RPS6KC1: variants seen among roughly 807,000 people sequenced by gnomAD.
RPS6KC1 encodes the protein inactive ribosomal protein S6 kinase delta-1.
A neutral mutation model predicts 103.8 loss-of-function variants in RPS6KC1; 54 were observed. The ratio of observed to expected loss-of-function variants is 0.52; its 90% CI spans 0.42 to 0.65. RPS6KC1 has a LOEUF of 0.65. Ranked by LOEUF, RPS6KC1 falls within the 30% of genes least tolerant of loss-of-function variation. The pLI is 0.00. For synonymous variants in RPS6KC1, 439 were observed against 438.7 expected (o/e 1.00, Z -0.01); for missense variants, 1,151 against 1,253.8 (o/e 0.92, Z 1.24).
At chr1:213,657,259 T>C in the RPS6KC1 span, among the ~76,000 whole-genome samples, 3 of 151,472 alleles carry the variant, frequency 2.0e-5, no homozygotes, top group Non-Finnish European at 4.4e-5. Context: ...CCAGGGAGTG[T>C]AAAAAAAGAT....
At position 213,072,077 on chromosome 1, in the gene RPS6KC1, C is replaced by T. The variant is rs184371606; in HGVS notation, c.141+1036C>T. 6.4e-3 allele frequency among the ~76,000 whole-genome samples: 966 copies of T among 151,370 alleles called. 4 individuals are homozygous for T. The highest frequency in any genetic ancestry group is 0.014 in the Middle Eastern group (4 of 288). ...GAAGGACATATATCAGGATTTTTTC[C>T]GCCTCCCTAATGTGTTTAAAACAGA... is the stretch of plus-strand genomic sequence containing the variant. On this transcript the variant is annotated intron_variant, in intron 2 of 14. Coordinates refer to ENST00000366960, the MANE Select transcript of RPS6KC1 (RefSeq NM_012424.6).
chr1:213,314,381 C>T, the RPS6KC1 span, among the ~76,000 whole-genome samples: 1 of 152,180 alleles, frequency 6.6e-6, no homozygotes, highest in Non-Finnish European at 1.5e-5. Context: ...ATCCACCCTA[C>T]CAGTAAATTG....
At chr1:213,715,292 A>G in the RPS6KC1 span, among the ~76,000 whole-genome samples, 1 of 152,250 alleles carries the variant, frequency 6.6e-6, no homozygotes, top group African/African-American at 2.4e-5. Context: ...AATCAGAGGC[A>G]GATCTGAGCT....
intron 5 of RPS6KC1, among the ~76,000 whole-genome samples, chr1:213,123,493 A>G (rs944579826): frequency 3.9e-5 from 6 of 152,182 alleles, no homozygotes; most frequent in Non-Finnish European, 8.8e-5. Flanking sequence ...TGACCCAAGA[A>G]CGTTATAAAA....
At chr1:213,838,255 A>G in the RPS6KC1 span, among the ~76,000 whole-genome samples, 2 of 152,140 alleles carry the variant, frequency 1.3e-5, no homozygotes, top group Non-Finnish European at 2.9e-5. Flanking sequence ...TATTTTTTTG[A>G]AGTGAAAATA....
At chr1:213,332,851 T>C in the RPS6KC1 span, among the ~76,000 whole-genome samples, 1 of 152,158 alleles carries the variant, frequency 6.6e-6, no homozygotes, top group Non-Finnish European at 1.5e-5. Flanking sequence ...TTGACAAAAA[T>C]GATACAAGCC....
the RPS6KC1 span, among the ~76,000 whole-genome samples, chr1:213,723,187 A>T: frequency 2.6e-5 from 4 of 152,208 alleles, no homozygotes; most frequent in African/African-American, 9.6e-5. Flanking sequence ...TCTGAAAGAA[A>T]AAAGGGAGTA....
chr1:213,168,965 G>A (rs1166643071), intron 7 of RPS6KC1, among the ~76,000 whole-genome samples: 6 of 152,058 alleles, frequency 3.9e-5, no homozygotes, highest in African/African-American at 1.4e-4. Context: ...TAGAAGATTG[G>A]ACAAGATACT....
the RPS6KC1 span, among the ~76,000 whole-genome samples, chr1:213,533,687 G>C: frequency 6.6e-6 from 1 of 152,128 alleles, no homozygotes; most frequent in Non-Finnish European, 1.5e-5. Flanking sequence ...TCCCTGAAAC[G>C]TTCTCTCCAC....
intron 8 of RPS6KC1, among the ~76,000 whole-genome samples, chr1:213,206,043 A>C (rs2093340818): frequency 6.6e-6 from 1 of 152,178 alleles, no homozygotes; most frequent in Non-Finnish European, 1.5e-5. Flanking sequence ...CAACTTGTAT[A>C]TACAGTGCAT....
chr1:213,308,100 T>C, the RPS6KC1 span, among the ~76,000 whole-genome samples: 2 of 151,852 alleles, frequency 1.3e-5, no homozygotes, highest in African/African-American at 4.8e-5. Flanking sequence ...TCATTTGAGG[T>C]CAGGAGTTCA....
intron 14 of RPS6KC1, among the ~76,000 whole-genome samples, chr1:213,266,515 A>G (rs1393372032): frequency 6.6e-6 from 1 of 152,174 alleles, no homozygotes; most frequent in African/African-American, 2.4e-5. Context: ...TCCCCCAAAA[A>G]GTATGAAGTT....
chr1:213,444,331 G>A, the RPS6KC1 span, among the ~76,000 whole-genome samples: 535 of 152,178 alleles, frequency 3.5e-3, 3 homozygotes, highest in African/African-American at 0.012. Flanking sequence ...GGCAGGTGGG[G>A]GGCGGGCACA....
the RPS6KC1 span, among the ~76,000 whole-genome samples, chr1:213,446,049 C>T: frequency 6.6e-6 from 1 of 152,170 alleles, no homozygotes; most frequent in Non-Finnish European, 1.5e-5. Context: ...TCTCCCAGAC[C>T]ATGCTGCCTC....
At chr1:213,720,195 A>G in the RPS6KC1 span, among the ~76,000 whole-genome samples, 1 of 152,230 alleles carries the variant, frequency 6.6e-6, no homozygotes, top group Non-Finnish European at 1.5e-5. Flanking sequence ...TGAACAGTGT[A>G]TGTGGTGAGA....
At chr1:213,261,864 C>T (rs964558210) in intron 13 of RPS6KC1, among the ~76,000 whole-genome samples, 1 of 152,034 alleles carries the variant, frequency 6.6e-6, no homozygotes, top group Non-Finnish European at 1.5e-5. Context: ...TTTTATGTCA[C>T]AATATTTCAT....
In RPS6KC1 at chr1:213,110,373, T is replaced by C. The variant is rs369940828; in HGVS notation, c.378+5804T>C. Among the ~76,000 whole-genome samples the C allele has an allele frequency of 6.6e-5, 10 of 152,288 alleles. No homozygotes were observed. The East Asian group carries it at 9.6e-4, about 15-fold the overall frequency. ...TTTTTCTTCCTGAGGATTCTTGCCA[T>C]TTTATGTTAGTGTGTTTAGTAACTA... On this transcript the variant is annotated intron_variant, in intron 4 of 14. Transcript: ENST00000366960.
the RPS6KC1 span, among the ~76,000 whole-genome samples, chr1:213,726,344 G>A: frequency 6.6e-6 from 1 of 152,180 alleles, no homozygotes; most frequent in Non-Finnish European, 1.5e-5. Context: ...CAAAGTGCTA[G>A]GATTATGGGC....
rs150487775 is a variant in RPS6KC1 at position 213,096,248 on chromosome 1, T to C, written c.263-8206T>C. Among the ~76,000 whole-genome samples the C allele has an allele frequency of 3.4e-4, 52 of 152,314 alleles. 1 individual carries two copies. In the East Asian group the frequency reaches 8.9e-3, roughly 26 times the overall value. On this transcript the variant is annotated intron_variant, in intron 3 of 14. Transcript: ENST00000366960. ...CTCTTTGTTCATTTAACTTTTATCATGAGATTGCAGCAATTCAGTCACGTC... is the reference window on the plus strand; with the variant it reads ...CTCTTTGTTCATTTAACTTTTATCACGAGATTGCAGCAATTCAGTCACGTC...
Sources: gnomAD v4.1 joint callset for allele counts (sites outside exome capture counted in the v4.1 genomes callset) on GRCh38, gnomAD v4.1.1 for gene constraint, MANE v1.5 for transcripts, NCBI Gene and HGNC (gene_info 2026-07-23, HGNC 2026-07-21) for gene names.